Variants in POC1A observed in about 807,000 individuals in gnomAD.
POC1A encodes the protein POC1 centriolar protein homolog A.
Under a neutral mutation model 47.8 loss-of-function variants are expected in POC1A, and 34 were observed. The ratio of observed to expected loss-of-function variants is 0.71; its 90% CI spans 0.54 to 0.95. The LOEUF is 0.95. POC1A is among the 40% of genes least tolerant of loss of function. POC1A has a pLI of 0.00. For synonymous variants in POC1A, 177 were observed against 207.6 expected (o/e 0.85, Z 1.27); for missense variants, 466 against 528.3 (o/e 0.88, Z 1.16).
chr3:52,149,330 C>A lies in POC1A; in HGVS notation c.335G>T (p.Cys112Phe). ...HTATVRSVHF[C>F]SDGQSFVTAS... Reference sequence around the variant, plus strand: ...TGTCACGAAGGACTGGCCATCACTGCAGAAGTGGACACTCCTCACTGTGGC... The same window carrying A: ...TGTCACGAAGGACTGGCCATCACTGAAGAAGTGGACACTCCTCACTGTGGC... The change falls in exon 4 of 11, where the codon TGC becomes TTC. Residue 112 changes from cysteine (C) to phenylalanine (F), a missense_variant. Coordinates refer to ENST00000296484, the MANE Select transcript of POC1A (RefSeq NM_015426.5). 2 of 1,614,156 alleles carry A rather than the reference C, an allele frequency of 1.2e-6. No individual in the cohort carries two copies. Among genetic ancestry groups the A allele is most frequent in the Non-Finnish European group, 1.7e-6 (2 of 1,180,014 alleles).
At chr3:52,092,359 C>A (rs1702671479) in intron 10 of POC1A, among the ~76,000 whole-genome samples, 1 of 152,184 alleles carries the variant, frequency 6.6e-6, no homozygotes, top group African/African-American at 2.4e-5. Context: ...CCTAACTGCA[C>A]CAAAACTGTT....
chr3:52,096,507 G>A (rs1434431586), intron 10 of POC1A, 62 bp downstream of exon 10: 13 of 1,371,922 alleles, frequency 9.5e-6, no homozygotes, highest in South Asian at 3.2e-5. Flanking sequence ...AACTTCAAAC[G>A]GTCCAAATGC....
At chr3:52,091,344 C>T (rs1259123160) in intron 10 of POC1A, among the ~76,000 whole-genome samples, 1 of 152,210 alleles carries the variant, frequency 6.6e-6, no homozygotes, top group Non-Finnish European at 1.5e-5. Flanking sequence ...AAAAAGCCCT[C>T]CAAAGAAAAT....
chr3:52,152,447 A>G (rs1230564817), intron 1 of POC1A, among the ~76,000 whole-genome samples: 1 of 151,600 alleles, frequency 6.6e-6, no homozygotes, highest in Non-Finnish European at 1.5e-5. Context: ...GTGGGCGCCT[A>G]TAGTCCCAGC....
chr3:52,077,054 C>T (rs1372619670), intron 10 of POC1A, among the ~76,000 whole-genome samples: 8 of 152,254 alleles, frequency 5.3e-5, no homozygotes, highest in Non-Finnish European at 8.8e-5. Flanking sequence ...ATCACTTGCG[C>T]GGGTTGGACC....
intron 10 of POC1A, among the ~76,000 whole-genome samples, chr3:52,088,351 G>A (rs1481007388): frequency 1.3e-5 from 2 of 152,336 alleles, no homozygotes; most frequent in South Asian, 2.1e-4. Context: ...CAGATCAGAA[G>A]GGCAAGGGGC....
At chr3:52,138,136 CA>C in intron 7 of POC1A, 32 bp downstream of exon 7, 1 of 1,612,996 alleles carries the variant, frequency 6.2e-7, no homozygotes, top group Non-Finnish European at 8.5e-7. Context: ...ACCACCACTC[CA>C]CACCACTCAG....
intron 9 of POC1A, among the ~76,000 whole-genome samples, chr3:52,105,641 C>G (rs1703151718): frequency 6.6e-6 from 1 of 152,184 alleles, no homozygotes; most frequent in Non-Finnish European, 1.5e-5. Flanking sequence ...CCTTATTTGC[C>G]CTGTAATTTA....
chr3:52,145,912 C>G lies in POC1A; in HGVS notation c.613G>C (p.Ala205Pro), dbSNP rs1184496878. The part of the protein sequence containing the change: ...FHPSGTCIAA[A>P]GMDNTVKVWD... Reference sequence around the variant, plus strand: ...ACCTTCACTGTGTTGTCCATGCCGGCAGCGGCAATGCACGTCCCACTGGGG... The same window carrying G: ...ACCTTCACTGTGTTGTCCATGCCGGGAGCGGCAATGCACGTCCCACTGGGG... The change falls in exon 6 of 11, where the codon GCC becomes CCC. Residue 205 changes from alanine (A) to proline (P), a missense_variant. By Grantham distance (27) the Ala-to-Pro change is conservative (BLOSUM62 -1). Coordinates refer to ENST00000296484, the MANE Select transcript of POC1A (RefSeq NM_015426.5). The G allele has an allele frequency of 3.5e-5, 56 of 1,613,884 alleles. No homozygotes were observed. The highest frequency in any genetic ancestry group is 4.7e-5 in the Non-Finnish European group (56 of 1,179,958).
rs1643969999 is a variant in POC1A, at chr3:52,079,586, G to A, written c.1126-3601C>T. Among the ~76,000 whole-genome samples the A allele has an allele frequency of 6.6e-6, 1 of 152,254 alleles. No individual in the cohort carries two copies. Among genetic ancestry groups the A allele is most frequent in the South Asian group, 2.1e-4 (1 of 4,836 alleles). On this transcript the variant is annotated intron_variant, in intron 10 of 10. Transcript: ENST00000296484. The surrounding 1 kb of genome is among the most constrained non-coding windows in gnomAD (Gnocchi z 4.6). The stretch of plus-strand genomic sequence containing the variant: ...CTGTACAGGGGAGCAGGGGCCAGAG[G>A]TCTGGTCCTAGCCCCTCAGAAGGTC...
At chr3:52,143,083 T>A (rs769042339) in intron 6 of POC1A, among the ~76,000 whole-genome samples, 9 of 152,028 alleles carry the variant, frequency 5.9e-5, no homozygotes, top group Non-Finnish European at 1.3e-4. Context: ...GAACCGGCTG[T>A]GTTTATGGGG....
Position 52,151,007 on chromosome 3 carries a change from T to A in POC1A, c.103+9A>T. 6.2e-7 allele frequency: 1 copy of A among 1,613,248 alleles called. No homozygotes were observed. The highest frequency in any genetic ancestry group is 8.5e-7 in the Non-Finnish European group (1 of 1,179,566). On this transcript the variant is annotated intron_variant, in intron 2 of 10. Coordinates refer to ENST00000296484, the MANE Select transcript of POC1A (RefSeq NM_015426.5). ...TAACCTAGCACCTAGACAGGGTGCC[T>A]CTTCTTACCCAGCTGCTTTGTGTTG...
At chr3:52,124,981 C>A in intron 8 of POC1A, 132 bp downstream of exon 8, 1 of 694,872 alleles carries the variant, frequency 1.4e-6, no homozygotes, top group East Asian at 2.7e-5. Context: ...CCATCAGGGC[C>A]TTTTTAGTCG....
chr3:52,077,585 C>T (rs1702157856), intron 10 of POC1A, among the ~76,000 whole-genome samples: 1 of 152,212 alleles, frequency 6.6e-6, no homozygotes, highest in Non-Finnish European at 1.5e-5. Context: ...CATCACATTC[C>T]CCCTGTGCTG....
chr3:52,076,030 AG>A, intron 10 of POC1A, 45 bp from the exon 11 acceptor site: 2 of 1,460,308 alleles, frequency 1.4e-6, no homozygotes, highest in Non-Finnish European at 1.9e-6. Flanking sequence ...AAGGGCCGCC[AG>A]GCTGCTCTAG....
At chr3:52,077,276 C>T (rs1215253797) in intron 10 of POC1A, among the ~76,000 whole-genome samples, 1 of 152,254 alleles carries the variant, frequency 6.6e-6, no homozygotes, top group Non-Finnish European at 1.5e-5. Flanking sequence ...TTCCCTGGGG[C>T]TCCATGAAGT....
intron 7 of POC1A, among the ~76,000 whole-genome samples, chr3:52,129,193 C>T (rs747695807): frequency 1.3e-5 from 2 of 152,070 alleles, no homozygotes; most frequent in South Asian, 2.1e-4. Context: ...GCAGGAGAAT[C>T]GCTTAAACCC....
At chr3:52,108,212 T>C (rs1183793135) in intron 9 of POC1A, among the ~76,000 whole-genome samples, 2 of 152,234 alleles carry the variant, frequency 1.3e-5, no homozygotes, top group African/African-American at 4.8e-5. Flanking sequence ...CTCTGCCAGG[T>C]TTCTACAATG....
At chr3:52,085,933 G>T (rs1702444767) in intron 10 of POC1A, among the ~76,000 whole-genome samples, 1 of 152,194 alleles carries the variant, frequency 6.6e-6, no homozygotes, top group Non-Finnish European at 1.5e-5. Flanking sequence ...GGATGTTGGG[G>T]GAGCCATGGG....
Sources: gnomAD v4.1 joint callset for allele counts (sites outside exome capture counted in the v4.1 genomes callset) on GRCh38, gnomAD v4.1.1 for gene constraint, Gnocchi (gnomAD v3.1) non-coding constraint, MANE v1.5 for transcripts, NCBI Gene and HGNC (gene_info 2026-07-23, HGNC 2026-07-21) for gene names.